ADAMTSL2: variants seen among roughly 807,000 people sequenced by gnomAD.
ADAMTSL2 encodes the protein ADAMTS-like protein 2.
ADAMTSL2 carries 55 observed loss-of-function variants against 117.0 expected under a neutral mutation model. The ratio of observed to expected loss-of-function variants is 0.47; its 90% CI spans 0.38 to 0.59. The LOEUF (loss-of-function observed/expected upper bound fraction) is 0.59, where lower values mean the gene tolerates loss of function less well. Ranked by LOEUF, ADAMTSL2 falls within the 20% of genes least tolerant of loss-of-function variation. The probability of loss-of-function intolerance (pLI) is 0.00; values close to 1 mark genes in which losing one functional copy is unlikely to be tolerated. For missense variants in ADAMTSL2, 1,182 were observed against 1,354.5 expected, an observed-to-expected ratio of 0.87 and a Z score of 2.00; for synonymous variants, 572 against 566.4, an observed-to-expected ratio of 1.01 and a Z score of -0.14.
chr9:133,550,594 G>T lies in ADAMTSL2; in HGVS notation c.939+3381G>T, dbSNP rs1302757057. 3.9e-5 allele frequency among the ~76,000 whole-genome samples: 6 copies of T among 152,112 alleles called. No individual in the cohort carries two copies. In the East Asian group the frequency reaches 1.2e-3, roughly 29 times the overall value. ...ACCAGATTCAGCACTTCCCCTTCCA[G>T]GATGGAAGGGGTCTGATGTGATCAG... On this transcript the variant is annotated intron_variant, in intron 9 of 18. Transcript: ENST00000651351.
In ADAMTSL2 at chr9:133,538,440, G is replaced by A. The variant is rs13283227; in HGVS notation, c.309+16G>A. 1.9e-6 allele frequency: 3 copies of A among 1,612,222 alleles called. No individual in the cohort carries two copies. On this transcript the variant is annotated intron_variant, in intron 4 of 18. Transcript: ENST00000651351. ...CAGAGTGCAGGTGAGGCCCGGCCCG[G>A]GCAGGGGCACCATGGCCTGCTCTCC... is the stretch of plus-strand genomic sequence containing the variant.
intron 9 of ADAMTSL2, among the ~76,000 whole-genome samples, chr9:133,547,548 C>G (rs9802542): frequency 0.84 from 128,577 of 152,244 alleles, 55,072 homozygotes; most frequent in Non-Finnish European, 0.92. Flanking sequence ...ATCATTCATT[C>G]CTCCATCCAT....
intron 9 of ADAMTSL2, among the ~76,000 whole-genome samples, chr9:133,549,597 C>G (rs1452059496): frequency 1.4e-5 from 2 of 145,496 alleles, no homozygotes; most frequent in Non-Finnish European, 3.0e-5. Context: ...GTTGTCCAGG[C>G]TGGTCTCGAA....
intron 12 of ADAMTSL2, among the ~76,000 whole-genome samples, chr9:133,566,082 C>T (rs1032913161): frequency 6.6e-6 from 1 of 152,194 alleles, no homozygotes; most frequent in Non-Finnish European, 1.5e-5. Flanking sequence ...CTGCCTGTCA[C>T]CCACTGTCCC....
At chr9:133,574,708 C>T (rs1028802891) in intron 18 of ADAMTSL2, 38 bp from the exon 19 acceptor site, 4 of 1,596,152 alleles carry the variant, frequency 2.5e-6, no homozygotes, top group Non-Finnish European at 3.4e-6. Flanking sequence ...TGGCCACCTC[C>T]TGAAACTGCC....
Position 133,570,292 on chromosome 9 carries a change from G to T in ADAMTSL2, c.2416-39G>T. The T allele has an allele frequency of 2.0e-6, 3 of 1,535,506 alleles. No individual in the cohort carries two copies. In the Admixed American group the frequency reaches 5.9e-5, roughly 30 times the overall value. On this transcript the variant is annotated intron_variant, in intron 16 of 18. Coordinates refer to ENST00000651351, the MANE Select transcript of ADAMTSL2 (RefSeq NM_014694.4). ...GGGCCCTGTGTGTAGGGTCCTGCTG[G>T]GCCCTGGCGCTGACCCGCTCCCTCT...
intron 9 of ADAMTSL2, among the ~76,000 whole-genome samples, chr9:133,547,642 C>G (rs1016726885): frequency 1.6e-4 from 25 of 152,294 alleles, no homozygotes; most frequent in African/African-American, 6.0e-4. Flanking sequence ...ACAGGGAGCT[C>G]GGGGCATTAA....
intron 7 of ADAMTSL2, among the ~76,000 whole-genome samples, chr9:133,543,940 G>T (rs1830287386): frequency 6.6e-6 from 1 of 152,246 alleles, no homozygotes; most frequent in African/African-American, 2.4e-5. Context: ...GCCCGATCTG[G>T]ATCTCAGCCT....
In ADAMTSL2 at chr9:133,555,927, C is replaced by A; in HGVS notation, c.1646C>A (p.Ala549Asp). 6.2e-7 allele frequency: 1 copy of A among 1,610,932 alleles called. No homozygotes were observed. Among genetic ancestry groups the A allele is most frequent in the Non-Finnish European group, 8.5e-7 (1 of 1,179,802 alleles). ...LTSAGNRTHKARTRPKARKQG... is the reference protein window; with the variant it reads ...LTSAGNRTHKDRTRPKARKQG... The stretch of plus-strand genomic sequence containing the variant: ...TCGGCCGGGAACAGGACTCACAAGG[C>A]CAGGTAGGAGGCACTTTCCTGAGCC... Residue 549 changes from alanine (A) to aspartate (D), a missense_variant, in exon 11 of 19, where the codon GCC (alanine) becomes GAC (aspartate). Coordinates refer to ENST00000651351, the MANE Select transcript of ADAMTSL2 (RefSeq NM_014694.4).
chr9:133,544,959 T>A (rs1830313897), intron 8 of ADAMTSL2, among the ~76,000 whole-genome samples: 1 of 152,006 alleles, frequency 6.6e-6, no homozygotes, highest in African/African-American at 2.4e-5. Flanking sequence ...GAGGTAGGAT[T>A]CCGACTCAGG....
intron 12 of ADAMTSL2, among the ~76,000 whole-genome samples, chr9:133,564,177 AGAGAGGGAG>A (rs1373876704): frequency 5.2e-4 from 20 of 38,700 alleles, no homozygotes; most frequent in Non-Finnish European, 8.0e-4. Flanking sequence ...GGAGAGAGAG[AGAGAGGGAG>A]AGAGAGAGAG....
chr9:133,534,733 T>C lies in ADAMTSL2; in HGVS notation c.-335T>C, dbSNP rs1830007352. Reference sequence around the variant, plus strand: ...GGCTGCGCCCCTCCCGGGAACCCCCTCTCTTGGATGCTCTTTGAAGTGGGA... The same window carrying C: ...GGCTGCGCCCCTCCCGGGAACCCCCCCTCTTGGATGCTCTTTGAAGTGGGA... On this transcript the variant is annotated 5_prime_UTR_variant, in exon 1 of 19. Coordinates refer to ENST00000651351, the MANE Select transcript of ADAMTSL2 (RefSeq NM_014694.4). 3 of 1,389,260 alleles carry C rather than the reference T, an allele frequency of 2.2e-6. No individual in the cohort carries two copies. The highest frequency in any genetic ancestry group is 2.8e-6 in the Non-Finnish European group (3 of 1,064,698). The allele number at this position is 1,389,260 out of a possible 1,614,324, so 86.1% of individuals were successfully genotyped here. A position where few individuals can be genotyped will look rare whatever the true frequency, so the allele number is the denominator to read the frequency against.
chr9:133,555,571 G>C lies in ADAMTSL2; in HGVS notation c.1290G>C (p.Thr430=), dbSNP rs1053333616. Residue 430 remains threonine, a synonymous_variant, in exon 11 of 19, where the codon ACG becomes ACC. Transcript: ENST00000651351. ...TCTCCTCTCCAGACCGCAACGTCAC[G>C]GGGACTCCTCTCACCGGGGACAAGG... ...RGKGFRDRNV[T]GTPLTGDKDD... is the part of the protein sequence containing the mutation. The C allele has an allele frequency of 2.6e-5, 42 of 1,613,046 alleles. No individual in the cohort carries two copies. The South Asian group carries it at 3.6e-4, about 14-fold the overall frequency.
intron 8 of ADAMTSL2, among the ~76,000 whole-genome samples, chr9:133,546,693 T>G (rs989394595): frequency 1.3e-5 from 2 of 152,144 alleles, no homozygotes; most frequent in African/African-American, 4.8e-5. Context: ...GGCCACAGAC[T>G]CTCCTGCTCC....
chr9:133,568,807 C>A, intron 15 of ADAMTSL2, 49 bp downstream of exon 15: 2 of 1,611,544 alleles, frequency 1.2e-6, no homozygotes, highest in South Asian at 2.2e-5. Flanking sequence ...GTGAGGGGAC[C>A]CAGAGCTTTG....
upstream of ADAMTSL2, among the ~76,000 whole-genome samples, chr9:133,533,874 C>T (rs1829989153): frequency 6.6e-6 from 1 of 152,204 alleles, no homozygotes; most frequent in Admixed American, 6.5e-5. Flanking sequence ...CGAGGATGGG[C>T]TCTGGGGAAG....
intron 12 of ADAMTSL2, among the ~76,000 whole-genome samples, chr9:133,564,077 GGAGAGAGA>G (rs1240257829): frequency 4.2e-5 from 1 of 23,854 alleles, no homozygotes; most frequent in Admixed American, 4.4e-4. Flanking sequence ...AGAGAGAAAG[GGAGAGAGA>G]GAGAGAGGGA....
At position 133,539,265 on chromosome 9, in the gene ADAMTSL2, C is replaced by T. The variant is rs547164563; in HGVS notation, c.310-506C>T. On this transcript the variant is annotated intron_variant, in intron 4 of 18. Transcript: ENST00000651351. Reference sequence around the variant, plus strand: ...CCAGGTTTGAGCTCTGGCCCCGGCACGACTAAGCTGGGTCCCCTCCGAGGA... The same window carrying T: ...CCAGGTTTGAGCTCTGGCCCCGGCATGACTAAGCTGGGTCCCCTCCGAGGA... Among the ~76,000 whole-genome samples, 16 of 152,314 alleles carry T rather than the reference C, an allele frequency of 1.1e-4. 1 individual carries two copies. The highest frequency in any genetic ancestry group is 7.7e-4 in the East Asian group (4 of 5,178).
At chr9:133,561,382 C>A in intron 12 of ADAMTSL2, 87 bp downstream of exon 12, 2 of 1,251,566 alleles carry the variant, frequency 1.6e-6, no homozygotes, top group Non-Finnish European at 2.3e-6. Flanking sequence ...CACCCACTAG[C>A]TTGCAGCCCC....
Sources: gnomAD v4.1 joint callset for allele counts (sites outside exome capture counted in the v4.1 genomes callset) on GRCh38, gnomAD v4.1.1 for gene constraint, MANE v1.5 for transcripts, NCBI Gene and HGNC (gene_info 2026-07-23, HGNC 2026-07-21) for gene names.